The following DTNBP1 variants were observed in gnomAD, a reference collection of about 807,000 sequenced individuals.
DTNBP1 encodes dysbindin.
A neutral mutation model predicts 42.8 loss-of-function variants in DTNBP1; 35 were observed. The ratio of observed to expected loss-of-function variants is 0.82; its 90% CI spans 0.63 to 1.09. DTNBP1 has a LOEUF of 1.09. Among genes scored for constraint, DTNBP1 ranks in the 50% least tolerant of loss-of-function variants. The pLI is 0.00. For synonymous variants in DTNBP1, 171 were observed against 162.2 expected (o/e 1.05, Z -0.41); for missense variants, 457 against 424.2 (o/e 1.08, Z -0.68).
intron 4 of DTNBP1, 112 bp from the exon 5 acceptor site, chr6:15,627,587 G>T: frequency 4.9e-6 from 7 of 1,443,160 alleles, no homozygotes; most frequent in Non-Finnish European, 6.5e-6. Flanking sequence ...ACTCAGTAGA[G>T]ATTACGGTAC....
At chr6:15,553,000 C>T (rs1341626179) in intron 7 of DTNBP1, among the ~76,000 whole-genome samples, 1 of 152,122 alleles carries the variant, frequency 6.6e-6, no homozygotes, top group African/African-American at 2.4e-5. Flanking sequence ...TTCATCTAAG[C>T]TCAAACAATC....
chr6:15,661,932 A>C (rs938917960), intron 1 of DTNBP1, among the ~76,000 whole-genome samples: 1 of 152,182 alleles, frequency 6.6e-6, no homozygotes, highest in Non-Finnish European at 1.5e-5. Context: ...ACATTGAGGC[A>C]AGGCAGCTGA....
chr6:15,611,114 TTAGG>T (rs1457836077), intron 6 of DTNBP1, among the ~76,000 whole-genome samples: 2 of 152,180 alleles, frequency 1.3e-5, no homozygotes, highest in Non-Finnish European at 2.9e-5. Context: ...GATTCTCTTG[TTAGG>T]GACTAATACA....
In DTNBP1 at chr6:15,615,320, T is replaced by A; in HGVS notation, c.435A>T (p.Glu145Asp). ...LEDLCGQCEL[E>D]RCKHMQSQQL... ...GCTGGGACTGCATATGTTTGCATCT[T>A]TCTAATTCACACTGCCCACATAAGT... Residue 145 changes from glutamate (E) to aspartate (D), a missense_variant, in exon 6 of 10, where the codon GAA (glutamate) becomes GAT (aspartate). Physicochemically the swap from Glu to Asp is conservative, Grantham distance 45 (BLOSUM62 2). Coordinates refer to ENST00000344537, the MANE Select transcript of DTNBP1 (RefSeq NM_032122.5). The A allele has an allele frequency of 6.2e-7, 1 of 1,614,176 alleles. No homozygotes were observed. Among genetic ancestry groups the A allele is most frequent in the Non-Finnish European group, 8.5e-7 (1 of 1,180,022 alleles).
rs1257928206 is a variant in DTNBP1 at position 15,614,976 on chromosome 6, G to C, written c.488+291C>G. ...GAGCAACCCAGTCATTTGCCTCTTG[G>C]AGAAAACTAGCTCAGGGCTCCTATT... On this transcript the variant is annotated intron_variant, in intron 6 of 9. Coordinates refer to ENST00000344537, the MANE Select transcript of DTNBP1 (RefSeq NM_032122.5). The C allele has an allele frequency of 1.3e-4, 62 of 481,816 alleles. No individual in the cohort carries two copies. In the Admixed American group the frequency reaches 1.9e-3, roughly 15 times the overall value. The allele number at this position is 481,816 out of a possible 1,614,324, so 29.8% of individuals were successfully genotyped here.
intron 1 of DTNBP1, 128 bp from the exon 2 acceptor site, chr6:15,652,268 A>G (rs763230350): frequency 3.8e-5 from 25 of 654,900 alleles, no homozygotes; most frequent in Admixed American, 1.1e-4. Context: ...TGCAGCCTCA[A>G]TCCTGGGCCC....
Position 15,637,814 on chromosome 6 carries a change from A to G in DTNBP1, c.162-10T>C, listed in dbSNP as rs1760120471. 1.2e-6 allele frequency: 2 copies of G among 1,611,896 alleles called. No homozygotes were observed. The highest frequency in any genetic ancestry group is 1.7e-6 in the Non-Finnish European group (2 of 1,179,844). On this transcript the variant is annotated splice_polypyrimidine_tract_variant and intron_variant, in intron 3 of 9. Coordinates refer to ENST00000344537, the MANE Select transcript of DTNBP1 (RefSeq NM_032122.5). ...CCATGTATCCTCATACCTAAAAAAAAGCAAAAAATAATTTGAAATGCAAAC... is the reference window on the plus strand; with the variant it reads ...CCATGTATCCTCATACCTAAAAAAAGGCAAAAAATAATTTGAAATGCAAAC...
At chr6:15,549,069 C>T (rs1484126125) in intron 7 of DTNBP1, among the ~76,000 whole-genome samples, 5 of 152,188 alleles carry the variant, frequency 3.3e-5, no homozygotes, top group African/African-American at 1.2e-4. Context: ...TTCTCATGAT[C>T]CAGACTGCAA....
chr6:15,571,245 A>G (rs1452350811), intron 7 of DTNBP1, among the ~76,000 whole-genome samples: 2 of 152,190 alleles, frequency 1.3e-5, no homozygotes, highest in Non-Finnish European at 2.9e-5. Context: ...TCTATTGTAC[A>G]TATTTAGAAA....
At chr6:15,604,072 ACT>A (rs1056393099) in intron 6 of DTNBP1, among the ~76,000 whole-genome samples, 1 of 152,018 alleles carries the variant, frequency 6.6e-6, no homozygotes, top group Non-Finnish European at 1.5e-5. Context: ...CACCCTGGAA[ACT>A]CTCTCTAGGC....
intron 6 of DTNBP1, among the ~76,000 whole-genome samples, chr6:15,597,456 G>T (rs2113642825): frequency 6.6e-6 from 1 of 152,274 alleles, no homozygotes; most frequent in East Asian, 1.9e-4. Context: ...GTAAGCAGGA[G>T]TTTTAAGTTC....
chr6:15,546,076 T>TC (rs1197698768), intron 7 of DTNBP1: 1 of 439,532 alleles, frequency 2.3e-6, no homozygotes, highest in Admixed American at 2.6e-5. Context: ...TTTTTTTTTT[T>TC]TTTTTTTGAG....
chr6:15,541,630 C>T (rs1773568032), intron 7 of DTNBP1, among the ~76,000 whole-genome samples: 1 of 152,118 alleles, frequency 6.6e-6, no homozygotes, highest in South Asian at 2.1e-4. Flanking sequence ...TTTATTTCAA[C>T]TCCAGATCAT....
chr6:15,585,050 G>A (rs2619551), intron 7 of DTNBP1, among the ~76,000 whole-genome samples: 111,436 of 135,636 alleles, frequency 0.82, 45,544 homozygotes, highest in East Asian at 0.99. Context: ...GAAGTTATAT[G>A]AAATTATGAA....
intron 7 of DTNBP1, among the ~76,000 whole-genome samples, chr6:15,534,659 CAAAA>C (rs34234744): frequency 6.0e-4 from 60 of 99,228 alleles, no homozygotes; most frequent in Middle Eastern, 6.0e-3. Flanking sequence ...GACTCTGTCT[CAAAA>C]AAAAAAAAAA....
chr6:15,613,515 C>T (rs922624327), intron 6 of DTNBP1, among the ~76,000 whole-genome samples: 69 of 151,568 alleles, frequency 4.6e-4, no homozygotes, highest in South Asian at 2.1e-4. Context: ...TACAGGCGCC[C>T]GCCACCACAC....
chr6:15,652,103 CT>C lies in DTNBP1; in HGVS notation c.93del (p.Val32Ter), dbSNP rs2113810317. Reference sequence around the variant, plus strand: ...CAAGCTTACCTGGGTTTGCTTTTCACTTTTGCTTCTCTTGACTTGTCACTTA... The same window carrying C: ...CAAGCTTACCTGGGTTTGCTTTTCACTTTGCTTCTCTTGACTTGTCACTTA... ...KTLSDKSREA[K>X]VKSKPRTVPF... On this transcript the variant is annotated frameshift_variant, in exon 2 of 10. Coordinates refer to ENST00000344537, the MANE Select transcript of DTNBP1 (RefSeq NM_032122.5). LOFTEE classifies it high-confidence loss of function. 1 of 1,613,044 alleles carries C rather than the reference CT, an allele frequency of 6.2e-7. No homozygotes were observed. Among genetic ancestry groups the C allele is most frequent in the Non-Finnish European group, 8.5e-7 (1 of 1,179,360 alleles).
Position 15,584,170 on chromosome 6 carries a change from C to T in DTNBP1, c.511+8889G>A, listed in dbSNP as rs966761377. On this transcript the variant is annotated intron_variant, in intron 7 of 9. Coordinates refer to ENST00000344537, the MANE Select transcript of DTNBP1 (RefSeq NM_032122.5). ...CGAATATACACTTAACATATATTGA[C>T]ATATGAGAAAAAGATGAGCAGACAC... Among the ~76,000 whole-genome samples, 7 of 152,100 alleles carry T rather than the reference C, an allele frequency of 4.6e-5. 1 individual carries two copies. The highest frequency in any genetic ancestry group is 1.7e-4 in the African/African-American group (7 of 41,500).
chr6:15,522,876 A>T lies in DTNBP1; in HGVS notation c.*99T>A. ...CACACATTATTGGCAATTATGTAAA[A>T]ATCAAGAACCTCTATAAAACAACCT... On this transcript the variant is annotated 3_prime_UTR_variant, in exon 10 of 10. Coordinates refer to ENST00000344537, the MANE Select transcript of DTNBP1 (RefSeq NM_032122.5). 2 of 1,600,622 alleles carry T rather than the reference A, an allele frequency of 1.2e-6. No individual in the cohort carries two copies. Among genetic ancestry groups the T allele is most frequent in the South Asian group, 2.2e-5 (2 of 89,976 alleles).
Sources: allele counts gnomAD v4.1 joint callset (sites outside exome capture counted in the v4.1 genomes callset), GRCh38; gene constraint gnomAD v4.1.1; transcripts MANE v1.5; gene names NCBI Gene and HGNC (gene_info 2026-07-23, HGNC 2026-07-21).